ARHGAP39: variants seen among roughly 807,000 people sequenced by gnomAD.
ARHGAP39 encodes the protein Rho GTPase activating protein 39, also known as rho GTPase-activating protein 39.
A neutral mutation model predicts 106.9 loss-of-function variants in ARHGAP39; 44 were observed. That is an observed-to-expected ratio of 0.41 (90% CI 0.32 to 0.53). ARHGAP39 has a LOEUF of 0.53. Ranked by LOEUF, ARHGAP39 falls within the 20% of genes least tolerant of loss-of-function variation. The pLI is 0.21. For synonymous variants in ARHGAP39, 768 were observed against 693.2 expected (o/e 1.11, Z -1.69); for missense variants, 1,496 against 1,577.3 (o/e 0.95, Z 0.87).
intron 1 of ARHGAP39, among the ~76,000 whole-genome samples, chr8:144,618,066 G>A (rs1264872863): frequency 1.3e-5 from 2 of 152,198 alleles, no homozygotes; most frequent in East Asian, 3.8e-4. Context: ...CCAGGTATGA[G>A]CCACCACGCC....
Position 144,571,777 on chromosome 8 carries a change from G to C in ARHGAP39, c.512+9069C>G, listed in dbSNP as rs189475023. ...GCCCCAAATCTCCTTAAGCTGATAAGCAACTTCAGCAAAGTCTCAGAATAC... is the reference window on the plus strand; with the variant it reads ...GCCCCAAATCTCCTTAAGCTGATAACCAACTTCAGCAAAGTCTCAGAATAC... On this transcript the variant is annotated intron_variant, in intron 3 of 11. Coordinates refer to ENST00000377307, the MANE Select transcript of ARHGAP39 (RefSeq NM_025251.3). Among the ~76,000 whole-genome samples, 180 of 152,294 alleles carry C rather than the reference G, an allele frequency of 1.2e-3. No individual in the cohort carries two copies. The Middle Eastern group carries it at 0.017, about 14-fold the overall frequency.
intron 1 of ARHGAP39, among the ~76,000 whole-genome samples, chr8:144,622,125 A>G (rs1820822096): frequency 6.6e-6 from 1 of 152,170 alleles, no homozygotes; most frequent in Admixed American, 6.5e-5. Flanking sequence ...TGAGCCCCCC[A>G]CGGCCTCGTG....
chr8:144,584,020 C>T (rs1819096191), intron 2 of ARHGAP39: 1 of 152,172 alleles, frequency 6.6e-6, no homozygotes, highest in Non-Finnish European at 1.5e-5. Flanking sequence ...AACTTAATGA[C>T]AAGGAAGGAC....
intron 1 of ARHGAP39, among the ~76,000 whole-genome samples, chr8:144,614,315 C>T (rs183129599): frequency 1.6e-4 from 24 of 152,066 alleles, no homozygotes; most frequent in Admixed American, 1.4e-3. Flanking sequence ...ATGAATGTTA[C>T]CTCTTGGAAA....
At chr8:144,541,160 T>G (rs1440605323) in intron 6 of ARHGAP39, among the ~76,000 whole-genome samples, 2 of 152,228 alleles carry the variant, frequency 1.3e-5, no homozygotes, top group Admixed American at 6.5e-5. Context: ...CTCCTTTGCT[T>G]CTTAAGCAGT....
intron 3 of ARHGAP39, among the ~76,000 whole-genome samples, chr8:144,567,846 G>A (rs893546614): frequency 2.0e-5 from 3 of 152,162 alleles, no homozygotes; most frequent in South Asian, 2.1e-4. Context: ...CATTGGAGAT[G>A]GCTCACTCTC....
At chr8:144,556,060 C>T (rs960180558) in intron 3 of ARHGAP39, among the ~76,000 whole-genome samples, 1 of 151,972 alleles carries the variant, frequency 6.6e-6, no homozygotes, top group African/African-American at 2.4e-5. Flanking sequence ...CTGAGGCGGG[C>T]GGATCACGAG....
chr8:144,695,487 G>T, the ARHGAP39 span, among the ~76,000 whole-genome samples: 1 of 152,004 alleles, frequency 6.6e-6, no homozygotes, highest in African/African-American at 2.4e-5. Flanking sequence ...TTCTGAAAAT[G>T]TGACAGGAGA....
chr8:144,630,440 C>T (rs1269397424), intron 1 of ARHGAP39, among the ~76,000 whole-genome samples: 2 of 152,222 alleles, frequency 1.3e-5, no homozygotes, highest in African/African-American at 2.4e-5. Context: ...CAGCCCTGGC[C>T]CCCAGCTTCT....
intron 2 of ARHGAP39, among the ~76,000 whole-genome samples, chr8:144,596,710 G>A (rs1004828800): frequency 3.9e-5 from 6 of 152,160 alleles, no homozygotes; most frequent in Admixed American, 2.0e-4. Flanking sequence ...TGCAGGCCCC[G>A]GGTGGCGCGC....
the ARHGAP39 span, among the ~76,000 whole-genome samples, chr8:144,691,249 C>T: frequency 6.6e-6 from 1 of 152,318 alleles, no homozygotes; most frequent in South Asian, 2.1e-4. Flanking sequence ...GGAGCCCTTT[C>T]CTCAAGTGGA....
rs1320877442 is a variant in ARHGAP39, at chr8:144,641,805, T to C, written c.-81-36110A>G. 1.3e-5 allele frequency among the ~76,000 whole-genome samples: 2 copies of C among 152,210 alleles called. No individual in the cohort carries two copies. Among genetic ancestry groups the C allele is most frequent in the African/African-American group, 4.8e-5 (2 of 41,454 alleles). On this transcript the variant is annotated intron_variant, in intron 1 of 11. Transcript: ENST00000377307. This position sits in a 1 kb window ranked among gnomAD's most constrained non-coding sequence, Gnocchi z 5.2. The stretch of plus-strand genomic sequence containing the variant: ...CTGAAGCCAGTGCATTTACCCATCA[T>C]GCAAGGAGAGGGGGACATCCCATCA...
At chr8:144,601,665 C>T (rs114765152) in intron 2 of ARHGAP39, among the ~76,000 whole-genome samples, 1,437 of 122,424 alleles carry the variant, frequency 0.012, 27 homozygotes, top group African/African-American at 0.044. Context: ...TGCATGGATG[C>T]GTGCGTGCGA....
the ARHGAP39 span, among the ~76,000 whole-genome samples, chr8:144,697,882 C>T: frequency 6.6e-6 from 1 of 152,104 alleles, no homozygotes. Flanking sequence ...TTGGCCATGG[C>T]ATATTATTTT....
chr8:144,694,598 G>A, the ARHGAP39 span, among the ~76,000 whole-genome samples: 5 of 152,220 alleles, frequency 3.3e-5, no homozygotes, highest in African/African-American at 4.8e-5. Flanking sequence ...ACAACTCCCA[G>A]ATCTCTGGCT....
At chr8:144,667,548 G>C (rs1821994513) in intron 1 of ARHGAP39, among the ~76,000 whole-genome samples, 1 of 152,246 alleles carries the variant, frequency 6.6e-6, no homozygotes, top group Non-Finnish European at 1.5e-5. Context: ...TCCCTGGGAT[G>C]TCCCGGCACC....
intron 2 of ARHGAP39, among the ~76,000 whole-genome samples, chr8:144,594,465 T>C (rs1024499818): frequency 6.6e-6 from 1 of 151,934 alleles, no homozygotes; most frequent in African/African-American, 2.4e-5. Flanking sequence ...GAGGCCGAGG[T>C]GGGCAGATCA....
At chr8:144,574,404 C>T (rs1818695417) in intron 3 of ARHGAP39, among the ~76,000 whole-genome samples, 1 of 152,248 alleles carries the variant, frequency 6.6e-6, no homozygotes, top group South Asian at 2.1e-4. Flanking sequence ...GGTGTGGTGG[C>T]TCATGCCTGT....
At chr8:144,693,396 C>T in the ARHGAP39 span, among the ~76,000 whole-genome samples, 4 of 148,632 alleles carry the variant, frequency 2.7e-5, no homozygotes, top group African/African-American at 1.0e-4. Context: ...GTTTTTGAGA[C>T]GGAGTCTTGC....
Sources: gnomAD v4.1 joint callset for allele counts (sites outside exome capture counted in the v4.1 genomes callset) on GRCh38, gnomAD v4.1.1 for gene constraint, Gnocchi (gnomAD v3.1) non-coding constraint, MANE v1.5 for transcripts, NCBI Gene and HGNC (gene_info 2026-07-23, HGNC 2026-07-21) for gene names.